Variants in BPIFB4 observed in about 807,000 individuals in gnomAD.
BPIFB4 encodes the protein BPI fold containing family B member 4, also known as BPI fold-containing family B member 4.
In BPIFB4, 62 loss-of-function variants were observed where a neutral mutation model predicts 69.2. The observed-to-expected ratio is 0.90, with a 90% confidence interval of 0.73 to 1.11. The LOEUF is 1.11. Ranked by LOEUF, BPIFB4 falls within the 50% of genes least tolerant of loss-of-function variation. The pLI, the probability that BPIFB4 is intolerant of heterozygous loss-of-function variation, is 0.00. For synonymous variants in BPIFB4, 330 were observed against 332.7 expected (o/e 0.99, Z 0.09); for missense variants, 789 against 792.0 (o/e 1.00, Z 0.04).
At chr20:33,095,975 G>A (rs961859121) in intron 12 of BPIFB4, among the ~76,000 whole-genome samples, 7 of 152,148 alleles carry the variant, frequency 4.6e-5, no homozygotes, top group Non-Finnish European at 7.3e-5. Context: ...TAAGTGTTAT[G>A]CAGGTGTGAA....
chr20:33,111,376 C>T, intron 17 of BPIFB4, 38 bp from the exon 18 acceptor site: 1 of 1,613,794 alleles, frequency 6.2e-7, no homozygotes, highest in Non-Finnish European at 8.5e-7. Flanking sequence ...GCCAGAGCCA[C>T]CCCACCCATC....
intron 13 of BPIFB4, among the ~76,000 whole-genome samples, chr20:33,098,676 C>T (rs929630319): frequency 2.0e-5 from 3 of 147,458 alleles, no homozygotes; most frequent in South Asian, 2.2e-4. Flanking sequence ...ACCTGGGAGG[C>T]GGAGGCTGCA....
chr20:33,093,915 A>G lies in BPIFB4; in HGVS notation c.1345-1185A>G, dbSNP rs533279137. Among the ~76,000 whole-genome samples, 10 of 152,136 alleles carry G rather than the reference A, an allele frequency of 6.6e-5. No individual in the cohort carries two copies. The East Asian group carries it at 1.5e-3, about 23-fold the overall frequency. ...CCATCCACCCACTCACCCATTATCA[A>G]TCTATCTGTCTGATCTGTCTGTCTG... On this transcript the variant is annotated intron_variant, in intron 11 of 17. Transcript: ENST00000375483.
chr20:33,106,569 T>C (rs939195739), intron 16 of BPIFB4, among the ~76,000 whole-genome samples: 1 of 151,916 alleles, frequency 6.6e-6, no homozygotes, highest in Non-Finnish European at 1.5e-5. Flanking sequence ...GATGGGTTTT[T>C]GCCATGTTGG....
intron 17 of BPIFB4, 46 bp from the exon 18 acceptor site, chr20:33,111,368 C>T (rs760871853): frequency 6.2e-7 from 1 of 1,612,998 alleles, no homozygotes; most frequent in Admixed American, 1.7e-5. Flanking sequence ...AGGCTCTAGC[C>T]AGAGCCACCC....
intron 3 of BPIFB4, among the ~76,000 whole-genome samples, chr20:33,082,367 C>T (rs980525909): frequency 6.6e-6 from 1 of 152,006 alleles, no homozygotes; most frequent in Non-Finnish European, 1.5e-5. Context: ...GAGTTTCGCT[C>T]TTGTTGCCCA....
intron 13 of BPIFB4, 35 bp downstream of exon 13, chr20:33,097,822 G>A: frequency 6.4e-7 from 1 of 1,567,986 alleles, no homozygotes; most frequent in Non-Finnish European, 8.7e-7. Flanking sequence ...CCTCCAGCTG[G>A]GCCTCAAGAC....
At chr20:33,104,764 T>C (rs1388884912) in intron 15 of BPIFB4, 46 bp from the exon 16 acceptor site, 9 of 1,592,028 alleles carry the variant, frequency 5.7e-6, no homozygotes, top group Non-Finnish European at 7.8e-6. Context: ...CCTCTGGAGC[T>C]GAGCAAACCC....
intron 13 of BPIFB4, among the ~76,000 whole-genome samples, chr20:33,100,026 G>A (rs1234065923): frequency 6.6e-6 from 1 of 152,032 alleles, no homozygotes; most frequent in Admixed American, 6.6e-5. Flanking sequence ...CATCTAAAGT[G>A]AGTTTCATAG....
intron 9 of BPIFB4, among the ~76,000 whole-genome samples, chr20:33,089,917 TTCTCA>T (rs1981550801): frequency 6.6e-6 from 1 of 152,228 alleles, no homozygotes; most frequent in Non-Finnish European, 1.5e-5. Flanking sequence ...CTTCCCAGTT[TTCTCA>T]TCTCTCAAAT....
Position 33,083,581 on chromosome 20 carries a change from T to C in BPIFB4, c.384T>C (p.Asn128=). The part of the protein sequence containing the change: ...LRNSGYRSAE[N]AYGGHRGLGR... ...ACAGTGGCTATCGCAGTGCCGAGAATGCATATGGAGGCCACAGGGGCCTCG... is the reference window on the plus strand; with the variant it reads ...ACAGTGGCTATCGCAGTGCCGAGAACGCATATGGAGGCCACAGGGGCCTCG... The change falls in exon 5 of 18, where the codon AAT becomes AAC. Residue 128 remains asparagine, a synonymous_variant. Coordinates refer to ENST00000375483, the MANE Select transcript of BPIFB4 (RefSeq NM_182519.3). 6.2e-7 allele frequency: 1 copy of C among 1,613,788 alleles called. No homozygotes were observed. The highest frequency in any genetic ancestry group is 8.5e-7 in the Non-Finnish European group (1 of 1,179,912).
At chr20:33,090,870 C>G in intron 10 of BPIFB4, 71 bp downstream of exon 10, 1 of 1,569,822 alleles carries the variant, frequency 6.4e-7, no homozygotes, top group Non-Finnish European at 8.7e-7. Flanking sequence ...GTGAGGCCCT[C>G]CCAGGGCTTC....
At chr20:33,106,376 C>CTTTTTCT (rs1555787051) in intron 16 of BPIFB4, among the ~76,000 whole-genome samples, 1 of 133,064 alleles carries the variant, frequency 7.5e-6, no homozygotes, top group Non-Finnish European at 1.6e-5. Context: ...TCTTTTCTTT[C>CTTTTTCT]TTTTTTTTTT....
At chr20:33,084,034 G>T (rs548974529) in intron 5 of BPIFB4, among the ~76,000 whole-genome samples, 160 bp downstream of exon 5, 79 of 152,266 alleles carry the variant, frequency 5.2e-4, no homozygotes, top group African/African-American at 1.7e-3. Flanking sequence ...CAAGTTACAT[G>T]GTTTGGGTCT....
chr20:33,100,560 G>C lies in BPIFB4; in HGVS notation c.1637+67G>C, dbSNP rs1473450199. The C allele has an allele frequency of 2.2e-5, 32 of 1,452,922 alleles. No homozygotes were observed. In the East Asian group the frequency reaches 4.1e-4, roughly 18 times the overall value. The allele number at this position is 1,452,922 out of a possible 1,614,324, so 90.0% of individuals were successfully genotyped here. On this transcript the variant is annotated intron_variant, in intron 14 of 17. Coordinates refer to ENST00000375483, the MANE Select transcript of BPIFB4 (RefSeq NM_182519.3). ...CTGCTCATGGAGGAGCCACCAGGGAGCGGGTAGAGGTCTCCTGTGTGGCCA... is the reference window on the plus strand; with the variant it reads ...CTGCTCATGGAGGAGCCACCAGGGACCGGGTAGAGGTCTCCTGTGTGGCCA...
intron 16 of BPIFB4, among the ~76,000 whole-genome samples, chr20:33,106,482 C>G (rs1982061329): frequency 6.6e-6 from 1 of 151,136 alleles, no homozygotes; most frequent in Non-Finnish European, 1.5e-5. Flanking sequence ...AAGAGACTCC[C>G]CTGCCTCAGC....
At chr20:33,097,890 A>T (rs1981800850) in intron 13 of BPIFB4, 103 bp downstream of exon 13, 2 of 1,261,524 alleles carry the variant, frequency 1.6e-6, no homozygotes, top group Non-Finnish European at 2.2e-6. Context: ...AATCTCCACC[A>T]TCATGACTAT....
intron 11 of BPIFB4, 119 bp downstream of exon 11, chr20:33,092,777 C>A: frequency 1.1e-6 from 1 of 885,368 alleles, no homozygotes; most frequent in Non-Finnish European, 1.8e-6. Context: ...ATGGTCCACC[C>A]CTTGACTCAC....
intron 1 of BPIFB4, among the ~76,000 whole-genome samples, chr20:33,080,113 T>C (rs1981184826): frequency 1.3e-5 from 2 of 152,214 alleles, no homozygotes; most frequent in South Asian, 4.1e-4. Flanking sequence ...TTATTGCATA[T>C]AGTAGTCCTT....
Sources: gnomAD v4.1 joint callset for allele counts (sites outside exome capture counted in the v4.1 genomes callset) on GRCh38, gnomAD v4.1.1 for gene constraint, MANE v1.5 for transcripts, NCBI Gene and HGNC (gene_info 2026-07-23, HGNC 2026-07-21) for gene names.